The following CACNA1C variants were observed in gnomAD, a reference collection of about 807,000 sequenced individuals.
CACNA1C encodes voltage-dependent L-type calcium channel subunit alpha-1C.
In CACNA1C, 30 loss-of-function variants were observed where a neutral mutation model predicts 229.0. The ratio of observed to expected loss-of-function variants is 0.13; its 90% CI spans 0.10 to 0.18. The LOEUF (loss-of-function observed/expected upper bound fraction) is 0.18, where lower values mean the gene tolerates loss of function less well. CACNA1C is among the 10% of genes least tolerant of loss of function. CACNA1C has a pLI of 1.00. For missense variants in CACNA1C, 1,658 were observed against 2,845.0 expected (o/e 0.58, Z 9.49); for synonymous variants, 1,114 against 1,132.5 (o/e 0.98, Z 0.33).
At chr12:2,544,535 A>C (rs1165569308) in intron 9 of CACNA1C, among the ~76,000 whole-genome samples, 1 of 152,232 alleles carries the variant, frequency 6.6e-6, no homozygotes, top group Non-Finnish European at 1.5e-5. Flanking sequence ...TCAGACTGTG[A>C]ATTTTAAATC....
intron 3 of CACNA1C, among the ~76,000 whole-genome samples, chr12:2,350,175 G>A (rs1387650666): frequency 2.6e-5 from 4 of 152,162 alleles, no homozygotes; most frequent in Non-Finnish European, 5.9e-5. Context: ...ACACTAGTGT[G>A]AGACCAGAGA....
chr12:2,336,895 A>C (rs2096713237), intron 3 of CACNA1C, among the ~76,000 whole-genome samples: 1 of 151,848 alleles, frequency 6.6e-6, no homozygotes, highest in Non-Finnish European at 1.5e-5. Context: ...ATGAGATACT[A>C]CTCTTTTAAG....
At chr12:2,299,366 T>C (rs1323787014) in intron 3 of CACNA1C, among the ~76,000 whole-genome samples, 1 of 151,972 alleles carries the variant, frequency 6.6e-6, no homozygotes, top group Non-Finnish European at 1.5e-5. Context: ...CGTTTTCCGG[T>C]GTATGTGGGA....
At position 2,108,274 on chromosome 12, in the gene CACNA1C, T is replaced by C. The variant is rs1015359821; in HGVS notation, c.50-6950T>C. 6.6e-6 allele frequency among the ~76,000 whole-genome samples: 1 copy of C among 152,156 alleles called. No individual in the cohort carries two copies. The highest frequency in any genetic ancestry group is 2.4e-5 in the African/African-American group (1 of 41,428). ...CTGCAAGAGCAGGCTTTAGGCCGGG[T>C]CTGTGGGAATGATTCCCAAAACAGT... On this transcript the variant is annotated intron_variant, in intron 1 of 46. Transcript: ENST00000399655. The surrounding 1 kb of genome is among the most constrained non-coding windows in gnomAD (Gnocchi z 5.3).
chr12:2,597,214 C>G lies in CACNA1C; in HGVS notation c.2794-16C>G. 15 of 1,533,164 alleles carry G rather than the reference C, an allele frequency of 9.8e-6. No homozygotes were observed. The highest frequency in any genetic ancestry group is 1.4e-5 in the African/African-American group (1 of 73,492). 95.0% of individuals were successfully genotyped at this position (1,533,164 alleles called of 1,614,324 possible). ...TTCCCCATCCCATCCCCACCCTGTT[C>G]CTTTTTGTTTTGCAGATTCTGTTTT... is the stretch of plus-strand genomic sequence containing the variant. On this transcript the variant is annotated splice_polypyrimidine_tract_variant and intron_variant, in intron 20 of 46. Coordinates refer to ENST00000399655, the MANE Select transcript of CACNA1C (RefSeq NM_000719.7). This position sits in a 1 kb window ranked among gnomAD's most constrained non-coding sequence, Gnocchi z 4.3.
chr12:2,478,717 A>G (rs1198725451), intron 5 of CACNA1C, among the ~76,000 whole-genome samples: 3 of 152,220 alleles, frequency 2.0e-5, no homozygotes, highest in Admixed American at 6.5e-5. Flanking sequence ...GTACAAGGAC[A>G]CATGGATGAG....
chr12:2,067,620 G>A lies in CACNA1C; in HGVS notation c.49+14009G>A, dbSNP rs769417917. Among the ~76,000 whole-genome samples the A allele has an allele frequency of 1.8e-4, 27 of 152,182 alleles. No homozygotes were observed. Among genetic ancestry groups the A allele is most frequent in the South Asian group, 6.2e-4 (3 of 4,830 alleles). Reference sequence around the variant, plus strand: ...TCGTGGTGTGCAGCCCTGAGGTCACGTTTGTGACGTGGATGGAAGGAAGCA... The same window carrying A: ...TCGTGGTGTGCAGCCCTGAGGTCACATTTGTGACGTGGATGGAAGGAAGCA... On this transcript the variant is annotated intron_variant, in intron 1 of 46. Transcript: ENST00000399655. This position sits in a 1 kb window ranked among gnomAD's most constrained non-coding sequence, Gnocchi z 5.3.
chr12:2,590,297 G>T (rs1046327166), intron 18 of CACNA1C, among the ~76,000 whole-genome samples: 2 of 152,192 alleles, frequency 1.3e-5, no homozygotes, highest in Non-Finnish European at 1.5e-5. Flanking sequence ...CCTCTGACCT[G>T]CCTTCTGAAA....
Position 2,608,470 on chromosome 12 carries a change from G to C in CACNA1C, c.3357-41G>C. On this transcript the variant is annotated intron_variant, in intron 26 of 46. Coordinates refer to ENST00000399655, the MANE Select transcript of CACNA1C (RefSeq NM_000719.7). This position sits in a 1 kb window ranked among gnomAD's most constrained non-coding sequence, Gnocchi z 4.2. Reference sequence around the variant, plus strand: ...GCCGTCCTTCCGCAGAGGGGACCCTGCTTCTCCAGTTCCCTCTGTGGGACC... The same window carrying C: ...GCCGTCCTTCCGCAGAGGGGACCCTCCTTCTCCAGTTCCCTCTGTGGGACC... 6.6e-7 allele frequency: 1 copy of C among 1,504,634 alleles called. No homozygotes were observed. Among genetic ancestry groups the C allele is most frequent in the Non-Finnish European group, 9.1e-7 (1 of 1,102,848 alleles). The allele number at this position is 1,504,634 out of a possible 1,614,324, so 93.2% of individuals were successfully genotyped here.
rs565334566 is a variant in CACNA1C at position 2,664,720 on chromosome 12, C to G, written c.4233-105C>G. ...ATGAACATCAAGTTCATTTTAGTAA[C>G]TCCCTCTGGGGAAGGAGGAAAGGGA... On this transcript the variant is annotated intron_variant, in intron 34 of 46. Coordinates refer to ENST00000399655, the MANE Select transcript of CACNA1C (RefSeq NM_000719.7). The G allele has an allele frequency of 1.1e-4, 94 of 872,754 alleles. No homozygotes were observed. In the East Asian group the frequency reaches 2.4e-3, roughly 22 times the overall value. 54.1% of individuals were successfully genotyped at this position (872,754 alleles called of 1,614,324 possible). A position where few individuals can be genotyped will look rare whatever the true frequency, so the allele number is the denominator to read the frequency against.
intron 1 of CACNA1C, among the ~76,000 whole-genome samples, chr12:2,093,923 G>A (rs746348177): frequency 2.0e-5 from 3 of 152,200 alleles, no homozygotes; most frequent in Admixed American, 6.5e-5. Context: ...TTTTTCTTCA[G>A]CAGCATACTG....
intron 1 of CACNA1C, among the ~76,000 whole-genome samples, chr12:2,096,608 C>A (rs905470126): frequency 1.3e-5 from 2 of 152,126 alleles, no homozygotes; most frequent in Admixed American, 6.5e-5. Context: ...TAAAAATTAT[C>A]ATTTTAACCA....
At chr12:2,668,889 C>T (rs756860805) in intron 37 of CACNA1C, 44 bp from the exon 38 acceptor site, 1 of 1,328,004 alleles carries the variant, frequency 7.5e-7, no homozygotes, top group Non-Finnish European at 1.1e-6. Flanking sequence ...GTCCCCTAAG[C>T]ACCGCCTGCC....
rs1176943000 is a variant in CACNA1C at position 2,641,510 on chromosome 12, C to T, written c.3913-6965C>T. ...GGTTATCCTTGACATCTCCCTCCAG[C>T]CCCCCTTCTCATTGCTGGAGCCTCC... On this transcript the variant is annotated intron_variant, in intron 30 of 46. Transcript: ENST00000399655. 1.0e-4 allele frequency: 59 copies of T among 579,854 alleles called. No homozygotes were observed. The Admixed American group carries it at 1.8e-3, about 17-fold the overall frequency. 35.9% of individuals were successfully genotyped at this position (579,854 alleles called of 1,614,324 possible).
At chr12:2,007,817 A>G (rs1593572928) in intron 1 of CACNA1C, among the ~76,000 whole-genome samples, 1 of 151,922 alleles carries the variant, frequency 6.6e-6, no homozygotes, top group Non-Finnish European at 1.5e-5. Flanking sequence ...TGGAAAACTC[A>G]CCTCCTGTCT....
chr12:2,474,606 C>T (rs1036040518), intron 5 of CACNA1C, among the ~76,000 whole-genome samples: 2 of 151,722 alleles, frequency 1.3e-5, no homozygotes, highest in African/African-American at 4.8e-5. Flanking sequence ...AATACAAAAA[C>T]TTAGCCAGAC....
chr12:2,420,145 G>GTGTGTGTC (rs1260767453), intron 3 of CACNA1C, among the ~76,000 whole-genome samples: 3 of 150,182 alleles, frequency 2.0e-5, no homozygotes, highest in African/African-American at 7.4e-5. Flanking sequence ...GTGTGTGTGT[G>GTGTGTGTC]TGTAGGGGGA....
At chr12:2,607,387 C>A in intron 26 of CACNA1C, 1 of 433,310 alleles carries the variant, frequency 2.3e-6, no homozygotes, top group South Asian at 4.1e-5. Context: ...CCAACCTCAG[C>A]ATGAGCCACG....
At chr12:2,353,359 C>G (rs2154527715) in intron 3 of CACNA1C, among the ~76,000 whole-genome samples, 1 of 152,344 alleles carries the variant, frequency 6.6e-6, no homozygotes, top group South Asian at 2.1e-4. Context: ...AACCTTGTCC[C>G]CCTGGCCGTG....
Sources: allele counts gnomAD v4.1 joint callset (sites outside exome capture counted in the v4.1 genomes callset), GRCh38; gene constraint gnomAD v4.1.1; non-coding constraint Gnocchi (gnomAD v3.1); transcripts MANE v1.5; gene names NCBI Gene and HGNC (gene_info 2026-07-23, HGNC 2026-07-21).